CFH: variants seen among roughly 807,000 people sequenced by gnomAD.
CFH encodes complement factor H.
Under a neutral mutation model 147.3 loss-of-function variants are expected in CFH, and 53 were observed. The observed-to-expected ratio is 0.36, with a 90% CI of 0.29 to 0.45. The LOEUF is 0.45. Among genes scored for constraint, CFH ranks in the 20% least tolerant of loss-of-function variants. The probability of loss-of-function intolerance (pLI) is 1.00; values close to 1 mark genes in which losing one functional copy is unlikely to be tolerated. For synonymous variants in CFH, 536 were observed against 489.4 expected, an observed-to-expected ratio of 1.10 and a Z score of -1.26; for missense variants, 1,380 against 1,498.0, an observed-to-expected ratio of 0.92 and a Z score of 1.30.
At chr1:196,679,817 A>G in intron 6 of CFH, 24 bp downstream of exon 6, 1 of 1,593,450 alleles carries the variant, frequency 6.3e-7, no homozygotes, top group Non-Finnish European at 8.6e-7. Flanking sequence ...TATTTTCTGG[A>G]TCTTTATAAA....
At chr1:196,743,841 C>G (rs190911226) in intron 20 of CFH, among the ~76,000 whole-genome samples, 1 of 152,100 alleles carries the variant, frequency 6.6e-6, no homozygotes, top group East Asian at 1.9e-4. Flanking sequence ...AGAGTTGGAA[C>G]CTGAAAAACA....
chr1:196,691,517 T>G (rs1668023118), intron 9 of CFH, among the ~76,000 whole-genome samples: 1 of 151,998 alleles, frequency 6.6e-6, no homozygotes, highest in Admixed American at 6.6e-5. Context: ...CTTTTACCAC[T>G]AACTGGGTTT....
At chr1:196,667,607 G>C (rs1021646559) in intron 1 of CFH, among the ~76,000 whole-genome samples, 2 of 151,982 alleles carry the variant, frequency 1.3e-5, no homozygotes, top group Non-Finnish European at 2.9e-5. Flanking sequence ...TCATATATTT[G>C]AGTTTTCTTT....
At chr1:196,672,805 T>G (rs1667326933) in intron 1 of CFH, among the ~76,000 whole-genome samples, 173 bp from the exon 2 acceptor site, 1 of 152,060 alleles carries the variant, frequency 6.6e-6, no homozygotes, top group South Asian at 2.1e-4. Flanking sequence ...TTACACTACA[T>G]GCATGAAATG....
chr1:196,732,685 C>T (rs77226641), intron 15 of CFH, among the ~76,000 whole-genome samples: 3,058 of 152,098 alleles, frequency 0.02, 97 homozygotes, highest in African/African-American at 0.069. Context: ...GGACTGCTGT[C>T]TCTTATTTTT....
chr1:196,720,610 T>C (rs911603267), intron 11 of CFH, among the ~76,000 whole-genome samples: 25 of 151,980 alleles, frequency 1.6e-4, no homozygotes, highest in African/African-American at 5.5e-4. Flanking sequence ...TCTGAAGGCA[T>C]GATTTTATTC....
chr1:196,706,355 G>A (rs1203952429), intron 9 of CFH, among the ~76,000 whole-genome samples: 1 of 152,094 alleles, frequency 6.6e-6, no homozygotes, highest in East Asian at 1.9e-4. Flanking sequence ...CAAGAAAGTA[G>A]CTATAATACA....
chr1:196,685,131 T>G lies in CFH; in HGVS notation c.858T>G (p.Thr286=), dbSNP rs746982840. 6.2e-7 allele frequency: 1 copy of G among 1,612,904 alleles called. No homozygotes were observed. The highest frequency in any genetic ancestry group is 1.3e-5 in the African/African-American group (1 of 74,974). The change falls in exon 7 of 22, where the codon ACT becomes ACG. Residue 286 remains threonine, a synonymous_variant. Coordinates refer to ENST00000367429, the MANE Select transcript of CFH (RefSeq NM_000186.4). ...DYSPLRIKHR[T]GDEITYQCRN... is the part of the protein sequence containing the mutation. ...CACCTTTAAGGATTAAACACAGAACTGGAGATGAAATCACGTACCAGTGTA... is the reference window on the plus strand; with the variant it reads ...CACCTTTAAGGATTAAACACAGAACGGGAGATGAAATCACGTACCAGTGTA...
At chr1:196,686,780 G>A (rs1156423473) in intron 7 of CFH, among the ~76,000 whole-genome samples, 1 of 152,066 alleles carries the variant, frequency 6.6e-6, no homozygotes, top group Non-Finnish European at 1.5e-5. Context: ...ACTATATTTG[G>A]ATTTCAATTA....
rs1226622136 is a variant in CFH, at chr1:196,696,685, C to T, written c.1336+6446C>T. 2.0e-5 allele frequency among the ~76,000 whole-genome samples: 3 copies of T among 152,184 alleles called. No individual in the cohort carries two copies. The South Asian group carries it at 6.2e-4, about 32-fold the overall frequency. On this transcript the variant is annotated intron_variant, in intron 9 of 21. Transcript: ENST00000367429. ...AGTTTATATGGAACCAAGAAAGAGC[C>T]CGCATTGCCAAGTCAATCCTAAGAC...
chr1:196,716,932 C>A (rs35661772), intron 11 of CFH, among the ~76,000 whole-genome samples: 8 of 151,700 alleles, frequency 5.3e-5, no homozygotes, highest in African/African-American at 1.9e-4. Context: ...ATATGCATTT[C>A]GGAATATCAT....
chr1:196,737,450 C>A (rs1156408783), intron 16 of CFH, 25 bp from the exon 17 acceptor site: 1 of 1,529,072 alleles, frequency 6.5e-7, no homozygotes, highest in South Asian at 1.1e-5. Flanking sequence ...TGTTTTTAAC[C>A]CTTTGATTTT....
intron 17 of CFH, among the ~76,000 whole-genome samples, chr1:196,739,051 T>A (rs1484764712): frequency 4.6e-5 from 7 of 152,222 alleles, no homozygotes; most frequent in Non-Finnish European, 1.5e-5. Flanking sequence ...TTTGAGGCAA[T>A]GGACCAAGCT....
intron 1 of CFH, among the ~76,000 whole-genome samples, chr1:196,657,146 T>C (rs948027280): frequency 1.3e-5 from 2 of 152,070 alleles, no homozygotes; most frequent in Non-Finnish European, 2.9e-5. Context: ...TCTTTTCTTT[T>C]TTCTTTTTCT....
intron 1 of CFH, among the ~76,000 whole-genome samples, chr1:196,659,716 A>AT (rs1666839497): frequency 6.6e-6 from 1 of 152,170 alleles, no homozygotes; most frequent in African/African-American, 2.4e-5. Context: ...GTAAACTGTC[A>AT]TAGCACACTG....
intron 9 of CFH, 53 bp from the exon 10 acceptor site, chr1:196,713,682 A>G (rs1413268638): frequency 5.2e-6 from 6 of 1,146,406 alleles, no homozygotes; most frequent in Non-Finnish European, 7.6e-6. Context: ...TTAAATTCTT[A>G]TAAAATGTTA....
At position 196,693,029 on chromosome 1, in the gene CFH, T is replaced by C. The variant is rs1167384355; in HGVS notation, c.1336+2790T>C. 5.9e-5 allele frequency among the ~76,000 whole-genome samples: 9 copies of C among 151,822 alleles called. 1 individual carries two copies. In the East Asian group the frequency reaches 1.7e-3, roughly 29 times the overall value. On this transcript the variant is annotated intron_variant, in intron 9 of 21. Transcript: ENST00000367429. ...AGACCCTGTACTTTAGTCAGGTTAT[T>C]TAGCTACTTTACGGTTGTCATATAA...
At chr1:196,655,164 A>G (rs2149065781) in intron 1 of CFH, among the ~76,000 whole-genome samples, 1 of 152,188 alleles carries the variant, frequency 6.6e-6, no homozygotes, top group Non-Finnish European at 1.5e-5. Flanking sequence ...TCATCTGACA[A>G]CTTCCCTGAA....
rs367548163 is a variant in CFH, at chr1:196,654,135, TTTA to T, written c.58+1962_58+1964del. Among the ~76,000 whole-genome samples the T allele has an allele frequency of 1.6e-3, 241 of 152,210 alleles. 2 individuals are homozygous for T. Among genetic ancestry groups the T allele is most frequent in the African/African-American group, 5.6e-3 (233 of 41,556 alleles). On this transcript the variant is annotated intron_variant, in intron 1 of 21. Coordinates refer to ENST00000367429, the MANE Select transcript of CFH (RefSeq NM_000186.4). ...ACATATATTTCAATATTTGCTTCTG[TTTA>T]TATTTTCCACATTGAATACTGAATA...
Sources: allele counts gnomAD v4.1 joint callset (sites outside exome capture counted in the v4.1 genomes callset), GRCh38; gene constraint gnomAD v4.1.1; transcripts MANE v1.5; gene names NCBI Gene and HGNC (gene_info 2026-07-23, HGNC 2026-07-21).